Variants in CADM2 observed in about 807,000 individuals in gnomAD.
CADM2 encodes the protein cell adhesion molecule 2.
Under a neutral mutation model 49.8 loss-of-function variants are expected in CADM2, and 12 were observed. That is an observed-to-expected ratio of 0.24 (90% CI 0.15 to 0.39). The LOEUF is 0.39. Ranked by LOEUF, CADM2 falls within the 10% of genes least tolerant of loss-of-function variation. The pLI is 1.00. For missense variants in CADM2, 378 were observed against 492.3 expected (o/e 0.77, Z 2.20); for synonymous variants, 214 against 175.4 (o/e 1.22, Z -1.74).
intron 3 of CADM2, among the ~76,000 whole-genome samples, chr3:85,862,615 T>A (rs1015968374): frequency 6.6e-6 from 1 of 152,194 alleles, no homozygotes; most frequent in African/African-American, 2.4e-5. Flanking sequence ...TTAATTAACC[T>A]GTTAATTGCC....
At chr3:85,242,570 A>G (rs919485698) in intron 1 of CADM2, among the ~76,000 whole-genome samples, 3 of 151,802 alleles carry the variant, frequency 2.0e-5, no homozygotes, top group South Asian at 2.1e-4. Flanking sequence ...TTAAAATTCA[A>G]TAGGGATTCT....
chr3:85,381,096 A>G (rs1451570496), intron 1 of CADM2, among the ~76,000 whole-genome samples: 4 of 152,070 alleles, frequency 2.6e-5, no homozygotes, highest in African/African-American at 9.6e-5. Flanking sequence ...TTTATCCGAT[A>G]TATGAAGATA....
At chr3:85,882,395 A>C (rs1378993880) in intron 3 of CADM2, among the ~76,000 whole-genome samples, 2 of 152,050 alleles carry the variant, frequency 1.3e-5, no homozygotes, top group African/African-American at 4.8e-5. Context: ...GTCTACCTAG[A>C]CTACCTTCTG....
intron 1 of CADM2, among the ~76,000 whole-genome samples, chr3:85,594,581 A>G (rs1432104768): frequency 6.6e-6 from 1 of 151,948 alleles, no homozygotes; most frequent in African/African-American, 2.4e-5. Flanking sequence ...TATCCAAGTA[A>G]AAAGAGAGAG....
intron 3 of CADM2, among the ~76,000 whole-genome samples, chr3:85,879,489 G>T (rs1465665540): frequency 6.6e-6 from 1 of 152,078 alleles, no homozygotes; most frequent in African/African-American, 2.4e-5. Context: ...TTTCCCAAAG[G>T]CTATATATTT....
At chr3:85,014,989 G>A (rs952150110) in intron 1 of CADM2, among the ~76,000 whole-genome samples, 1 of 151,996 alleles carries the variant, frequency 6.6e-6, no homozygotes, top group African/African-American at 2.4e-5. Context: ...GAGAAAGAAG[G>A]TTTACAGTTT....
intron 1 of CADM2, among the ~76,000 whole-genome samples, chr3:85,282,877 A>T (rs909273803): frequency 2.0e-4 from 30 of 152,258 alleles, no homozygotes; most frequent in African/African-American, 7.2e-4. Context: ...GTATGCTTAA[A>T]AATACCTAGA....
At chr3:85,242,102 A>G (rs187192234) in intron 1 of CADM2, among the ~76,000 whole-genome samples, 353 of 151,162 alleles carry the variant, frequency 2.3e-3, no homozygotes, top group African/African-American at 8.0e-3. Flanking sequence ...GGGAATCAGA[A>G]GAGCCTATAT....
chr3:85,503,100 A>G (rs1029234656), intron 1 of CADM2, among the ~76,000 whole-genome samples: 21 of 79,830 alleles, frequency 2.6e-4, no homozygotes, highest in African/African-American at 6.0e-4. Context: ...CTCCTAACAT[A>G]AAGTTTTACT....
intron 1 of CADM2, among the ~76,000 whole-genome samples, chr3:85,373,527 C>T (rs2033402995): frequency 6.6e-6 from 1 of 152,058 alleles, no homozygotes; most frequent in Non-Finnish European, 1.5e-5. Context: ...TCTGGGGTGG[C>T]CCTCTTCTCA....
rs1383026259 is a variant in CADM2, at chr3:85,645,944, T to C, written c.62-80578T>C. 5.9e-5 allele frequency among the ~76,000 whole-genome samples: 9 copies of C among 152,074 alleles called. No homozygotes were observed. The South Asian group carries it at 1.9e-3, about 31-fold the overall frequency. ...GATATACTCCCTATGGTGTCTCTTT[T>C]AGAAATGTATTTGAACTAAATCTGC... is the stretch of plus-strand genomic sequence containing the variant. On this transcript the variant is annotated intron_variant, in intron 1 of 9. Transcript: ENST00000383699.
intron 1 of CADM2, among the ~76,000 whole-genome samples, chr3:85,161,334 A>G (rs1315506358): frequency 1.3e-5 from 2 of 152,132 alleles, no homozygotes; most frequent in Non-Finnish European, 2.9e-5. Context: ...GTGCTTTTGT[A>G]GAATCTATGA....
At chr3:85,342,198 C>T (rs1159325667) in intron 1 of CADM2, among the ~76,000 whole-genome samples, 1 of 151,818 alleles carries the variant, frequency 6.6e-6, no homozygotes, top group East Asian at 1.9e-4. Flanking sequence ...AAAAAATGGG[C>T]AAAGGATATG....
chr3:85,447,907 G>C (rs1208347299), intron 1 of CADM2, among the ~76,000 whole-genome samples: 1 of 151,956 alleles, frequency 6.6e-6, no homozygotes, highest in Non-Finnish European at 1.5e-5. Flanking sequence ...ATTTGTCTTT[G>C]GCTAAGACAA....
intron 3 of CADM2, among the ~76,000 whole-genome samples, chr3:85,861,269 T>G (rs977099973): frequency 6.6e-6 from 1 of 152,198 alleles, no homozygotes; most frequent in Admixed American, 6.5e-5. Context: ...TGCTTTTCAG[T>G]CTATTTCCAA....
At chr3:85,209,138 T>G (rs2041718565) in intron 1 of CADM2, among the ~76,000 whole-genome samples, 1 of 152,160 alleles carries the variant, frequency 6.6e-6, no homozygotes, top group Admixed American at 6.5e-5. Context: ...TCCTCCAAAA[T>G]ACTACAAACT....
intron 1 of CADM2, among the ~76,000 whole-genome samples, chr3:85,581,094 G>A (rs953642890): frequency 1.3e-5 from 2 of 151,788 alleles, no homozygotes; most frequent in African/African-American, 2.4e-5. Context: ...TATTTTTAAT[G>A]ATTACTCTGC....
intron 1 of CADM2, among the ~76,000 whole-genome samples, chr3:85,680,938 A>T (rs1389499643): frequency 6.6e-6 from 1 of 152,176 alleles, no homozygotes; most frequent in Non-Finnish European, 1.5e-5. Flanking sequence ...TGGGGTTTGG[A>T]GTCATGAAAA....
intron 1 of CADM2, among the ~76,000 whole-genome samples, chr3:85,210,135 T>G (rs1309163919): frequency 3.9e-5 from 6 of 152,222 alleles, no homozygotes; most frequent in Non-Finnish European, 5.9e-5. Context: ...TGGTTTTTAT[T>G]GTTTCGAGGT....
Sources: allele counts gnomAD v4.1 joint callset (sites outside exome capture counted in the v4.1 genomes callset), GRCh38; gene constraint gnomAD v4.1.1; transcripts MANE v1.5; gene names NCBI Gene and HGNC (gene_info 2026-07-23, HGNC 2026-07-21).